The following TYW1B variants were observed in gnomAD, a reference collection of about 807,000 sequenced individuals.
TYW1B encodes the protein tRNA-yW synthesizing protein 1 homolog B.
Under a neutral mutation model 86.9 loss-of-function variants are expected in TYW1B, and 73 were observed. The observed-to-expected ratio is 0.84, with a 90% CI of 0.70 to 1.02. The LOEUF (loss-of-function observed/expected upper bound fraction) is 1.02. TYW1B is among the 50% of genes least tolerant of loss of function. TYW1B has a pLI of 0.00. For synonymous variants in TYW1B, 248 were observed against 292.8 expected (o/e 0.85, Z 1.56); for missense variants, 637 against 827.4 (o/e 0.77, Z 2.82).
At chr7:72,771,678 G>A (rs1353544922) in intron 7 of TYW1B, among the ~76,000 whole-genome samples, 6 of 150,654 alleles carry the variant, frequency 4.0e-5, no homozygotes, top group Admixed American at 6.7e-5. Flanking sequence ...GATCCAAAGC[G>A]TCATATCAAA....
intron 10 of TYW1B, among the ~76,000 whole-genome samples, chr7:72,712,652 C>T (rs1467201355): frequency 6.6e-6 from 1 of 152,120 alleles, no homozygotes; most frequent in Non-Finnish European, 1.5e-5. Context: ...TTAAGACTCC[C>T]TCATTCACAT....
At chr7:72,729,505 C>G (rs1554459428) in intron 8 of TYW1B, among the ~76,000 whole-genome samples, 2 of 152,114 alleles carry the variant, frequency 1.3e-5, no homozygotes, top group Non-Finnish European at 2.9e-5. Flanking sequence ...GGTTCCACTG[C>G]CATCACTCCA....
In TYW1B at chr7:72,807,059, G is replaced by A. The variant is rs782648309; in HGVS notation, c.723+7C>T. On this transcript the variant is annotated splice_region_variant and intron_variant, in intron 5 of 13. Transcript: ENST00000620995. ...AGCATCAAGAGATGAACACACAGGC[G>A]GTATACCTTGGTGTCTCTGTGATGC... The A allele has an allele frequency of 1.2e-5, 19 of 1,611,968 alleles. No individual in the cohort carries two copies. Among genetic ancestry groups the A allele is most frequent in the African/African-American group, 4.0e-5 (3 of 74,846 alleles).
chr7:72,817,882 G>A (rs1390625998), intron 2 of TYW1B, among the ~76,000 whole-genome samples: 7 of 152,090 alleles, frequency 4.6e-5, no homozygotes, highest in Admixed American at 1.3e-4. Flanking sequence ...AGAGGCTGCA[G>A]TGGAGTTACA....
intron 2 of TYW1B, among the ~76,000 whole-genome samples, chr7:72,817,129 C>T (rs531228376): frequency 3.3e-5 from 5 of 152,198 alleles, no homozygotes; most frequent in South Asian, 4.1e-4. Flanking sequence ...GTTGGCCGGG[C>T]GTGGTGGCTC....
At chr7:72,722,487 A>G (rs1786922533) in intron 9 of TYW1B, among the ~76,000 whole-genome samples, 1 of 152,220 alleles carries the variant, frequency 6.6e-6, no homozygotes, top group Non-Finnish European at 1.5e-5. Context: ...TTTTGAATAG[A>G]CACTGAGTGG....
At chr7:72,674,738 T>G (rs1449843682) in intron 11 of TYW1B, among the ~76,000 whole-genome samples, 1 of 149,702 alleles carries the variant, frequency 6.7e-6, no homozygotes, top group Non-Finnish European at 1.5e-5. Flanking sequence ...AAAAGCACAG[T>G]TTCAAATTTT....
At chr7:72,679,973 C>G (rs1813829885) in intron 11 of TYW1B, among the ~76,000 whole-genome samples, 2 of 152,126 alleles carry the variant, frequency 1.3e-5, no homozygotes, top group Admixed American at 1.3e-4. Context: ...CTACAAAATG[C>G]AAAAATTAGC....
chr7:72,740,438 C>T (rs188392281), intron 8 of TYW1B, among the ~76,000 whole-genome samples: 2 of 144,270 alleles, frequency 1.4e-5, no homozygotes, highest in Non-Finnish European at 3.0e-5. Context: ...TGTTCCAAGA[C>T]AGAGTCAATC....
chr7:72,656,056 A>G (rs571355351), intron 11 of TYW1B, among the ~76,000 whole-genome samples: 1 of 152,318 alleles, frequency 6.6e-6, no homozygotes, highest in South Asian at 2.1e-4. Context: ...CACTACTGGC[A>G]TCTTTGTCTG....
At chr7:72,797,898 G>A (rs1277122790) in intron 6 of TYW1B, among the ~76,000 whole-genome samples, 5 of 151,900 alleles carry the variant, frequency 3.3e-5, no homozygotes, top group South Asian at 2.1e-4. Flanking sequence ...ACTCTGGGTA[G>A]GACATATCAG....
At chr7:72,812,930 G>A (rs1193048104) in intron 3 of TYW1B, among the ~76,000 whole-genome samples, 4 of 152,032 alleles carry the variant, frequency 2.6e-5, no homozygotes, top group South Asian at 2.1e-4. Flanking sequence ...GAGCTCAAGC[G>A]ATCCACCAGC....
In TYW1B at chr7:72,826,403, G is replaced by C. The variant is rs192838115; in HGVS notation, c.135+452C>G. ...TGTATTCCTCAAATATTAGCCCCTT[G>C]GTATAATAAGGTCCTTTAATAGGCA... On this transcript the variant is annotated intron_variant, in intron 2 of 13. Coordinates refer to ENST00000620995, the MANE Select transcript of TYW1B (RefSeq NM_001145440.3). 2.5e-3 allele frequency among the ~76,000 whole-genome samples: 374 copies of C among 152,114 alleles called. 1 individual carries two copies. The highest frequency in any genetic ancestry group is 2.7e-3 in the Non-Finnish European group (183 of 68,026).
At chr7:72,768,449 A>G (rs1317121259) in intron 7 of TYW1B, among the ~76,000 whole-genome samples, 2 of 152,104 alleles carry the variant, frequency 1.3e-5, no homozygotes, top group Admixed American at 6.6e-5. Flanking sequence ...GTGAAAAAAG[A>G]AACTGAATTT....
chr7:72,802,420 C>G lies in TYW1B; in HGVS notation c.826G>C (p.Asp276His), dbSNP rs1346490471. The G allele has an allele frequency of 1.9e-6, 3 of 1,613,728 alleles. No individual in the cohort carries two copies. Among genetic ancestry groups the G allele is most frequent in the Non-Finnish European group, 2.5e-6 (3 of 1,179,834 alleles). ...GGTACCTTTTCTTTCTTCACGTGAT[C>G]CATAATTTTGCCCAAATCTTCAACA... ...VDVEDLGKIMDHVKKEKREKE... is the reference protein window; with the variant it reads ...VDVEDLGKIMHHVKKEKREKE... The change falls in exon 6 of 14, where the codon GAT (aspartate) becomes CAT (histidine). Residue 276 changes from aspartate (D) to histidine (H), a missense_variant. Coordinates refer to ENST00000620995, the MANE Select transcript of TYW1B (RefSeq NM_001145440.3).
intron 10 of TYW1B, among the ~76,000 whole-genome samples, chr7:72,708,801 G>A (rs1814673798): frequency 1.3e-5 from 2 of 152,160 alleles, no homozygotes; most frequent in Non-Finnish European, 2.9e-5. Flanking sequence ...CTCAAGTCCT[G>A]AAAGAATTAG....
chr7:72,724,447 T>C (rs1236991406), intron 9 of TYW1B, among the ~76,000 whole-genome samples: 2 of 152,208 alleles, frequency 1.3e-5, no homozygotes. Context: ...CACTCCAGCC[T>C]GGGCAACAGA....
chr7:72,599,676 G>A (rs1458261246), intron 13 of TYW1B, among the ~76,000 whole-genome samples: 1 of 152,106 alleles, frequency 6.6e-6, no homozygotes, highest in Non-Finnish European at 1.5e-5. Context: ...ACTAACAGGT[G>A]ATTATAGCAA....
intron 6 of TYW1B, among the ~76,000 whole-genome samples, chr7:72,798,825 G>A (rs1788354550): frequency 6.6e-6 from 1 of 152,206 alleles, no homozygotes; most frequent in Non-Finnish European, 1.5e-5. Flanking sequence ...TGAAAGGTGA[G>A]AAATGTTTAT....
Sources: gnomAD v4.1 joint callset for allele counts (sites outside exome capture counted in the v4.1 genomes callset) on GRCh38, gnomAD v4.1.1 for gene constraint, MANE v1.5 for transcripts, NCBI Gene and HGNC (gene_info 2026-07-23, HGNC 2026-07-21) for gene names.